Variants in NCOA4 observed in about 807,000 individuals in gnomAD.
NCOA4 encodes the protein 70 kDa AR-activator.
A neutral mutation model predicts 69.5 loss-of-function variants in NCOA4; 31 were observed. The observed-to-expected ratio is 0.45, with a 90% CI of 0.34 to 0.60. NCOA4 has a LOEUF of 0.60. Ranked by LOEUF, NCOA4 falls within the 20% of genes least tolerant of loss-of-function variation. The pLI, the probability that NCOA4 is intolerant of heterozygous loss-of-function variation, is 0.02. For synonymous variants in NCOA4, 228 were observed against 252.4 expected, an observed-to-expected ratio of 0.90 and a Z score of 0.92; for missense variants, 600 against 719.2, an observed-to-expected ratio of 0.83 and a Z score of 1.90.
At chr10:46,022,897 A>G (rs1839968302) in intron 1 of NCOA4, among the ~76,000 whole-genome samples, 1 of 152,210 alleles carries the variant, frequency 6.6e-6, no homozygotes, top group Non-Finnish European at 1.5e-5. Context: ...TAATCTTTTT[A>G]AAACCACACA....
chr10:46,014,144 A>C (rs1839397507), intron 5 of NCOA4, among the ~76,000 whole-genome samples: 1 of 152,046 alleles, frequency 6.6e-6, no homozygotes, highest in South Asian at 2.1e-4. Context: ...CTCCTGCCTC[A>C]GCCTTCCAAG....
chr10:46,009,583 T>C, intron 8 of NCOA4, 32 bp from the exon 9 acceptor site: 3 of 1,586,506 alleles, frequency 1.9e-6, no homozygotes, highest in Non-Finnish European at 1.7e-6. Flanking sequence ...GGTTGCTTCA[T>C]GAAAACAAGG....
At chr10:46,026,504 T>C (rs1027228196) in intron 1 of NCOA4, among the ~76,000 whole-genome samples, 5 of 152,210 alleles carry the variant, frequency 3.3e-5, no homozygotes, top group Admixed American at 1.3e-4. Context: ...CTTGCCATAA[T>C]AGAGTCAAGG....
chr10:46,010,835 G>C lies in NCOA4; in HGVS notation c.1086C>G (p.Asn362Lys). The change falls in exon 8 of 10, where the codon AAC becomes AAG. Residue 362 changes from asparagine to lysine, a missense_variant. Physicochemically the swap from Asn to Lys is moderately conservative, Grantham distance 94. Coordinates refer to ENST00000581486, the MANE Select transcript of NCOA4 (RefSeq NM_001145263.2). ...GNQPKGVEIE[N>K]LGNLKCLNDH... The stretch of plus-strand genomic sequence containing the variant: ...CATTCAGGCACTTCAGATTGCCCAG[G>C]TTTTCAATCTCCACACCTTTGGGCT... 5 of 1,613,902 alleles carry C rather than the reference G, an allele frequency of 3.1e-6. No individual in the cohort carries two copies. Among genetic ancestry groups the C allele is most frequent in the Non-Finnish European group, 4.2e-6 (5 of 1,179,868 alleles).
chr10:46,014,415 T>G (rs781849713), intron 5 of NCOA4, 29 bp downstream of exon 5: 21 of 1,484,694 alleles, frequency 1.4e-5, no homozygotes, highest in Non-Finnish European at 1.4e-5. Flanking sequence ...ATATGAGAAG[T>G]GCCCAGTGAA....
rs782759735 is a variant in NCOA4 at position 46,014,493 on chromosome 10, G to A, written c.431C>T (p.Thr144Ile). The change falls in exon 5 of 10, where the codon ACA (threonine) becomes ATA (isoleucine). Residue 144 changes from threonine to isoleucine, a missense_variant. Physicochemically the swap from Thr to Ile is moderately conservative, Grantham distance 89. Coordinates refer to ENST00000581486, the MANE Select transcript of NCOA4 (RefSeq NM_001145263.2). ...DSTVLLFEAD[T>I]ITLRQTITTF... ...GGTGATGGTCTGGCGCAGAGTAATT[G>A]TGTCAGCTTCAAAGAGCAGGACAGT... is the stretch of plus-strand genomic sequence containing the variant. 1.2e-6 allele frequency: 2 copies of A among 1,613,946 alleles called. No homozygotes were observed. The highest frequency in any genetic ancestry group is 1.3e-5 in the African/African-American group (1 of 74,898).
intron 1 of NCOA4, among the ~76,000 whole-genome samples, chr10:46,017,063 T>C (rs1482021258): frequency 6.6e-6 from 1 of 152,246 alleles, no homozygotes; most frequent in Non-Finnish European, 1.5e-5. Flanking sequence ...GTGTTCCTCT[T>C]TGTAGATTTA....
At chr10:46,015,535 A>C (rs1269743170) in intron 2 of NCOA4, among the ~76,000 whole-genome samples, 1 of 152,186 alleles carries the variant, frequency 6.6e-6, no homozygotes, top group Non-Finnish European at 1.5e-5. Context: ...TCCTAGCCAT[A>C]AAGGCATACC....
intron 9 of NCOA4, chr10:46,009,174 C>T (rs1554920479): frequency 8.4e-6 from 13 of 1,551,202 alleles, no homozygotes; most frequent in South Asian, 1.2e-5. Context: ...TCTGAAAATT[C>T]CCAACGGTTA....
chr10:46,018,333 A>AATAT (rs71471363), intron 1 of NCOA4, among the ~76,000 whole-genome samples: 25 of 152,216 alleles, frequency 1.6e-4, no homozygotes, highest in Non-Finnish European at 3.5e-4. Context: ...CAAGGAAGAG[A>AATAT]ATAATTCCTT....
intron 1 of NCOA4, chr10:46,027,394 C>T (rs942537745): frequency 1.5e-5 from 23 of 1,543,616 alleles, no homozygotes; most frequent in Non-Finnish European, 1.9e-5. Context: ...ATGGCAGCTC[C>T]TCTAACTGAC....
At chr10:46,015,837 T>C (rs1839509437) in intron 2 of NCOA4, among the ~76,000 whole-genome samples, 1 of 152,126 alleles carries the variant, frequency 6.6e-6, no homozygotes, top group Non-Finnish European at 1.5e-5. Context: ...TAAAAGACCA[T>C]TAGGGTAGAC....
chr10:46,013,710 A>G, intron 5 of NCOA4, 71 bp from the exon 6 acceptor site: 1 of 1,110,794 alleles, frequency 9.0e-7, no homozygotes. Context: ...ATAATTCCAA[A>G]TTTCAAAAAT....
intron 9 of NCOA4, 133 bp from the exon 10 acceptor site, chr10:46,006,730 A>G: frequency 1.2e-6 from 1 of 844,834 alleles, no homozygotes. Context: ...CAAATTAAGC[A>G]TTTGTGTCAT....
chr10:46,023,863 CAT>C (rs1840029266), intron 1 of NCOA4, among the ~76,000 whole-genome samples: 1 of 152,256 alleles, frequency 6.6e-6, no homozygotes, highest in Non-Finnish European at 1.5e-5. Flanking sequence ...AGATAATCCT[CAT>C]AGCCTGCATA....
chr10:46,025,613 G>T (rs1255942249), intron 1 of NCOA4, among the ~76,000 whole-genome samples: 1 of 152,178 alleles, frequency 6.6e-6, no homozygotes, highest in Non-Finnish European at 1.5e-5. Context: ...GGCTATGCCA[G>T]TTCTGTCAGC....
rs367940878 is a variant in NCOA4, at chr10:46,011,218, G to A, written c.715-12C>T. 3 of 1,569,260 alleles carry A rather than the reference G, an allele frequency of 1.9e-6. No homozygotes were observed. Among genetic ancestry groups the A allele is most frequent in the Non-Finnish European group, 8.6e-7 (1 of 1,163,950 alleles). ...GCTCTGGAAGAAGTCTACACAAAAAGTACACAGTATTAGTTTGCCAGAACA... is the reference window on the plus strand; with the variant it reads ...GCTCTGGAAGAAGTCTACACAAAAAATACACAGTATTAGTTTGCCAGAACA... On this transcript the variant is annotated splice_polypyrimidine_tract_variant and intron_variant, in intron 7 of 9. Coordinates refer to ENST00000581486, the MANE Select transcript of NCOA4 (RefSeq NM_001145263.2).
At chr10:46,025,217 G>T (rs1554925319) in intron 1 of NCOA4, among the ~76,000 whole-genome samples, 1 of 152,180 alleles carries the variant, frequency 6.6e-6, no homozygotes, top group African/African-American at 2.4e-5. Context: ...AGCCTGGGGA[G>T]CCTGGAGTTC....
Position 46,005,290 on chromosome 10 carries a change from TA to T in NCOA4, c.*1301del, listed in dbSNP as rs1838749355. On this transcript the variant is annotated 3_prime_UTR_variant, in exon 10 of 10. Coordinates refer to ENST00000581486, the MANE Select transcript of NCOA4 (RefSeq NM_001145263.2). The stretch of plus-strand genomic sequence containing the variant: ...ATTGTTTTTGCCCACCACCTTTATA[TA>T]ATACTCCTAAATGATATCTGGGGAG... 1.4e-5 allele frequency: 3 copies of T among 214,008 alleles called. No homozygotes were observed. Among genetic ancestry groups the T allele is most frequent in the African/African-American group, 6.8e-5 (3 of 44,206 alleles). The allele number at this position is 214,008 out of a possible 1,614,324, so 13.3% of individuals were successfully genotyped here.
Sources: allele counts gnomAD v4.1 joint callset (sites outside exome capture counted in the v4.1 genomes callset), GRCh38; gene constraint gnomAD v4.1.1; transcripts MANE v1.5; gene names NCBI Gene and HGNC (gene_info 2026-07-23, HGNC 2026-07-21).